The following IGF1R variants were observed in gnomAD, a reference collection of about 807,000 sequenced individuals.
IGF1R encodes insulin like growth factor 1 receptor, also known as insulin-like growth factor 1 receptor.
A neutral mutation model predicts 144.6 loss-of-function variants in IGF1R; 44 were observed. The ratio of observed to expected loss-of-function variants is 0.30; its 90% CI spans 0.24 to 0.39. IGF1R has a LOEUF of 0.39. Among genes scored for constraint, IGF1R ranks in the 10% least tolerant of loss-of-function variants. IGF1R has a pLI of 1.00. For synonymous variants in IGF1R, 795 were observed against 722.8 expected (o/e 1.10, Z -1.60); for missense variants, 1,355 against 1,833.7 (o/e 0.74, Z 4.77).
At chr15:98,954,995 C>T (rs920986907) in intron 20 of IGF1R, among the ~76,000 whole-genome samples, 26 of 152,120 alleles carry the variant, frequency 1.7e-4, no homozygotes, top group African/African-American at 4.8e-4. Flanking sequence ...CGTTGGTGAT[C>T]AAAGTGTAGT....
Position 98,868,069 on chromosome 15 carries a change from T to C in IGF1R, c.641-23256T>C, listed in dbSNP as rs1320941664. 2.0e-5 allele frequency among the ~76,000 whole-genome samples: 3 copies of C among 152,116 alleles called. No individual in the cohort carries two copies. In the East Asian group the frequency reaches 5.8e-4, roughly 29 times the overall value. ...TACAAAAATTAGATGGTTGTGGTGG[T>C]GCATGCCTGTAATCCCAGCTACTCA... On this transcript the variant is annotated intron_variant, in intron 2 of 20. Coordinates refer to ENST00000650285, the MANE Select transcript of IGF1R (RefSeq NM_000875.5).
chr15:98,903,761 A>G (rs932865920), intron 5 of IGF1R, among the ~76,000 whole-genome samples: 3 of 152,266 alleles, frequency 2.0e-5, no homozygotes, highest in African/African-American at 7.2e-5. Context: ...GACGTGAAGT[A>G]TGACACGTGT....
At chr15:98,764,690 A>G (rs2055392220) in intron 2 of IGF1R, among the ~76,000 whole-genome samples, 1 of 152,204 alleles carries the variant, frequency 6.6e-6, no homozygotes, top group Admixed American at 6.5e-5. Context: ...ATTCTTTTAT[A>G]CTGTTCTATT....
intron 2 of IGF1R, among the ~76,000 whole-genome samples, chr15:98,777,815 CTGCATGACTTT>C (rs2141385501): frequency 6.6e-6 from 1 of 152,310 alleles, no homozygotes; most frequent in East Asian, 1.9e-4. Context: ...CTGGGAGCAG[CTGCATGACTTT>C]TCAGAGAAGT....
intron 1 of IGF1R, among the ~76,000 whole-genome samples, chr15:98,664,959 ATTTT>A (rs376830930): frequency 3.8e-5 from 5 of 130,180 alleles, no homozygotes; most frequent in African/African-American, 1.4e-4. Context: ...AACCAGCTTC[ATTTT>A]TTTTTTTTTT....
intron 2 of IGF1R, among the ~76,000 whole-genome samples, chr15:98,835,094 CA>C (rs2057071855): frequency 1.3e-5 from 2 of 150,250 alleles, no homozygotes; most frequent in African/African-American, 4.9e-5. Flanking sequence ...CACACACACA[CA>C]CACACACACA....
intron 10 of IGF1R, among the ~76,000 whole-genome samples, chr15:98,921,783 T>C (rs926667514): frequency 6.6e-6 from 1 of 152,142 alleles, no homozygotes; most frequent in African/African-American, 2.4e-5. Context: ...AGCTGATAGG[T>C]TTGCCACCTT....
chr15:98,878,470 A>G (rs2013172777), intron 2 of IGF1R, among the ~76,000 whole-genome samples: 2 of 152,176 alleles, frequency 1.3e-5, no homozygotes, highest in Non-Finnish European at 2.9e-5. Context: ...CAAATTTAAA[A>G]TAACTTGAAG....
chr15:98,764,820 T>C (rs983202685), intron 2 of IGF1R, among the ~76,000 whole-genome samples: 2 of 152,228 alleles, frequency 1.3e-5, no homozygotes, highest in African/African-American at 4.8e-5. Flanking sequence ...GTAAAATTCA[T>C]ATGACATAAA....
rs979657090 is a variant in IGF1R at position 98,926,936 on chromosome 15, T to C, written c.2782+2252T>C. Among the ~76,000 whole-genome samples the C allele has an allele frequency of 8.5e-5, 13 of 152,322 alleles. No homozygotes were observed. The East Asian group carries it at 2.3e-3, about 27-fold the overall frequency. ...CCAGGGTAGTGGCTTGCTTGCTTTC[T>C]ATCTTTCCCCAGCCTCCTTCCCTCC... On this transcript the variant is annotated intron_variant, in intron 13 of 20. Transcript: ENST00000650285.
Position 98,935,239 on chromosome 15 carries a change from G to C in IGF1R, c.3187-77G>C. 9.3e-7 allele frequency: 1 copy of C among 1,071,574 alleles called. No individual in the cohort carries two copies. The highest frequency in any genetic ancestry group is 2.6e-5 in the East Asian group (1 of 38,616). The allele number at this position is 1,071,574 out of a possible 1,614,324, so 66.4% of individuals were successfully genotyped here. A position where few individuals can be genotyped will look rare whatever the true frequency, so the allele number is the denominator to read the frequency against. The stretch of plus-strand genomic sequence containing the variant: ...GCTCAGACCAGGCCGCAGCACCACA[G>C]AGACAGTTCCAGACAACACAGGCAT... On this transcript the variant is annotated intron_variant, in intron 16 of 20. Coordinates refer to ENST00000650285, the MANE Select transcript of IGF1R (RefSeq NM_000875.5). This position sits in a 1 kb window ranked among gnomAD's most constrained non-coding sequence, Gnocchi z 4.2.
chr15:98,910,449 T>G (rs936366280), intron 6 of IGF1R, among the ~76,000 whole-genome samples: 1 of 152,242 alleles, frequency 6.6e-6, no homozygotes, highest in East Asian at 1.9e-4. Context: ...TCCTAAAGAC[T>G]TCTTAGCTCT....
chr15:98,875,258 T>G (rs2012998718), intron 2 of IGF1R, among the ~76,000 whole-genome samples: 2 of 152,160 alleles, frequency 1.3e-5, no homozygotes, highest in Non-Finnish European at 2.9e-5. Flanking sequence ...GTTTTCAGAT[T>G]ATTCAAGTCC....
At chr15:98,758,160 T>A (rs548169448) in intron 2 of IGF1R, among the ~76,000 whole-genome samples, 1 of 152,300 alleles carries the variant, frequency 6.6e-6, no homozygotes, top group South Asian at 2.1e-4. Flanking sequence ...CAGAATCTGA[T>A]ACTCTAGAGC....
intron 19 of IGF1R, 131 bp from the exon 20 acceptor site, chr15:98,948,443 T>C (rs949330673): frequency 5.2e-6 from 5 of 954,762 alleles, no homozygotes; most frequent in Admixed American, 3.4e-5. Flanking sequence ...CCTGGCTCGC[T>C]GTCTGACAAG....
At chr15:98,758,836 C>T (rs1389253694) in intron 2 of IGF1R, among the ~76,000 whole-genome samples, 2 of 152,190 alleles carry the variant, frequency 1.3e-5, no homozygotes, top group Non-Finnish European at 2.9e-5. Flanking sequence ...TATGTTTATT[C>T]AGGCCACTGT....
Position 98,708,122 on chromosome 15 carries a change from G to T in IGF1R, c.640+15G>T. 2 of 1,607,350 alleles carry T rather than the reference G, an allele frequency of 1.2e-6. No individual in the cohort carries two copies. Among genetic ancestry groups the T allele is most frequent in the South Asian group, 2.2e-5 (2 of 90,892 alleles). ...CTGCCAGAAAAGTAAGAATGATGCT[G>T]ACTGCTGCTTTCTCTCTGCCTCTCT... is the stretch of plus-strand genomic sequence containing the variant. On this transcript the variant is annotated intron_variant, in intron 2 of 20. Transcript: ENST00000650285.
intron 2 of IGF1R, among the ~76,000 whole-genome samples, chr15:98,760,479 T>TA (rs1170129447): frequency 6.6e-6 from 1 of 152,264 alleles, no homozygotes; most frequent in South Asian, 2.1e-4. Flanking sequence ...CTTGAAGTGT[T>TA]ACAGATTTTT....
chr15:98,766,586 G>A (rs1423529198), intron 2 of IGF1R, among the ~76,000 whole-genome samples: 6 of 152,190 alleles, frequency 3.9e-5, no homozygotes, highest in Admixed American at 3.9e-4. Flanking sequence ...ATTGGATAAT[G>A]TATTTATTGA....
Sources: allele counts gnomAD v4.1 joint callset (sites outside exome capture counted in the v4.1 genomes callset), GRCh38; gene constraint gnomAD v4.1.1; non-coding constraint Gnocchi (gnomAD v3.1); transcripts MANE v1.5; gene names NCBI Gene and HGNC (gene_info 2026-07-23, HGNC 2026-07-21).